Variants in SKAP2 observed in about 807,000 individuals in gnomAD.
The protein encoded by SKAP2 is src kinase associated phosphoprotein 2, also known as src kinase-associated phosphoprotein 2.
SKAP2 carries 28 observed loss-of-function variants against 54.9 expected under a neutral mutation model. The observed-to-expected ratio is 0.51, with a 90% CI of 0.38 to 0.70. SKAP2 has a LOEUF of 0.70. Ranked by LOEUF, SKAP2 falls within the 30% of genes least tolerant of loss-of-function variation. SKAP2 has a pLI of 0.00. For synonymous variants in SKAP2, 137 were observed against 134.3 expected (o/e 1.02, Z -0.14); for missense variants, 356 against 424.1 (o/e 0.84, Z 1.41).
intron 4 of SKAP2, among the ~76,000 whole-genome samples, chr7:26,817,546 T>G (rs1784294473): frequency 6.6e-6 from 1 of 152,166 alleles, no homozygotes; most frequent in Admixed American, 6.6e-5. Flanking sequence ...GAATTCCAGT[T>G]GATACAATTG....
intron 9 of SKAP2, among the ~76,000 whole-genome samples, chr7:26,695,067 C>T (rs1477227288): frequency 2.0e-5 from 3 of 151,874 alleles, no homozygotes; most frequent in Admixed American, 1.3e-4. Flanking sequence ...TCAAGGTATG[C>T]GATGTTCACA....
At chr7:26,804,638 C>A (rs1483991222) in intron 4 of SKAP2, among the ~76,000 whole-genome samples, 4 of 151,162 alleles carry the variant, frequency 2.6e-5, no homozygotes, top group African/African-American at 9.7e-5. Flanking sequence ...ACTCAGGAGG[C>A]TGAGGCAGGA....
intron 4 of SKAP2, among the ~76,000 whole-genome samples, chr7:26,750,923 C>T (rs1782666778): frequency 6.6e-6 from 1 of 152,052 alleles, no homozygotes; most frequent in South Asian, 2.1e-4. Flanking sequence ...CATTGATTTA[C>T]TTACTTTTGC....
intron 4 of SKAP2, among the ~76,000 whole-genome samples, chr7:26,813,322 T>A (rs1291035295): frequency 6.6e-6 from 1 of 152,102 alleles, no homozygotes. Flanking sequence ...CATATTGGGG[T>A]TTCCATACTG....
intron 4 of SKAP2, among the ~76,000 whole-genome samples, chr7:26,767,815 G>C (rs1783094848): frequency 6.6e-6 from 1 of 152,156 alleles, no homozygotes; most frequent in Admixed American, 6.5e-5. Flanking sequence ...CTTGCACTGT[G>C]GTCTGAGTGA....
intron 4 of SKAP2, among the ~76,000 whole-genome samples, chr7:26,792,140 A>G (rs1176689898): frequency 6.6e-6 from 1 of 152,220 alleles, no homozygotes; most frequent in East Asian, 1.9e-4. Flanking sequence ...TGGAAAAGGC[A>G]AAACTACAGG....
chr7:26,857,328 AAAAAAAAC>A, intron 1 of SKAP2: 1 of 266,394 alleles, frequency 3.8e-6, no homozygotes, highest in Non-Finnish European at 5.8e-6. Context: ...AAAAAAAAAA[AAAAAAAAC>A]TTTAAACTGG....
chr7:26,785,831 C>T (rs1783532170), intron 4 of SKAP2, among the ~76,000 whole-genome samples: 1 of 152,168 alleles, frequency 6.6e-6, no homozygotes, highest in Non-Finnish European at 1.5e-5. Context: ...TCCATAGTTA[C>T]CCCCATGCCT....
chr7:26,707,133 G>A (rs1355275908), intron 9 of SKAP2, among the ~76,000 whole-genome samples: 3 of 152,122 alleles, frequency 2.0e-5, no homozygotes, highest in South Asian at 2.1e-4. Context: ...GCCAAGGCAG[G>A]TGGATTGCTT....
rs546379804 is a variant in SKAP2 at position 26,831,906 on chromosome 7, A to G, written c.307+12124T>C. Among the ~76,000 whole-genome samples, 10 of 152,024 alleles carry G rather than the reference A, an allele frequency of 6.6e-5. No individual in the cohort carries two copies. In the South Asian group the frequency reaches 1.2e-3, roughly 19 times the overall value. ...GTCAATCCTCATCTCCCATTCTCCA[A>G]CCTTTCTCAGTCATGTTAGTCTTTC... On this transcript the variant is annotated intron_variant, in intron 4 of 12. Coordinates refer to ENST00000345317, the MANE Select transcript of SKAP2 (RefSeq NM_003930.5).
chr7:26,772,866 G>A (rs28403911), intron 4 of SKAP2, among the ~76,000 whole-genome samples: 63,250 of 151,962 alleles, frequency 0.42, 13,548 homozygotes, highest in Middle Eastern at 0.49. Flanking sequence ...CATAGAATCT[G>A]GAATATTTAA....
Position 26,844,130 on chromosome 7 carries a change from T to C in SKAP2, c.207A>G (p.Ala69=). Residue 69 remains alanine (A), a synonymous_variant, in exon 4 of 13, where the codon GCA becomes GCG. Coordinates refer to ENST00000345317, the MANE Select transcript of SKAP2 (RefSeq NM_003930.5). ...YLQEFQDKGD[A]EDGEEYDDPF... ...GGTCATCATATTCTTCCCCATCTTC[T>C]GCATCACCTGTTAAAAAAAAAAAAA... 2 of 1,588,242 alleles carry C rather than the reference T, an allele frequency of 1.3e-6. No individual in the cohort carries two copies. The highest frequency in any genetic ancestry group is 1.7e-6 in the Non-Finnish European group (2 of 1,162,046).
chr7:26,697,094 G>C (rs1786910537), intron 9 of SKAP2, among the ~76,000 whole-genome samples: 1 of 152,150 alleles, frequency 6.6e-6, no homozygotes, highest in Non-Finnish European at 1.5e-5. Context: ...ACCTTAGATA[G>C]AATCTTGTTC....
intron 9 of SKAP2, among the ~76,000 whole-genome samples, chr7:26,703,869 A>T (rs772002718): frequency 5.9e-5 from 9 of 152,194 alleles, no homozygotes; most frequent in Non-Finnish European, 1.0e-4. Context: ...ACACAGCTAT[A>T]ATAATAATTA....
At chr7:26,702,028 A>G (rs11980186) in intron 9 of SKAP2, among the ~76,000 whole-genome samples, 2,212 of 152,240 alleles carry the variant, frequency 0.015, 42 homozygotes, top group African/African-American at 0.048. Flanking sequence ...TTCTAAGATG[A>G]TATCTGCTTT....
At chr7:26,680,342 G>A (rs1786464974) in intron 11 of SKAP2, among the ~76,000 whole-genome samples, 1 of 152,018 alleles carries the variant, frequency 6.6e-6, no homozygotes. Context: ...CAAAAACATG[G>A]TTCTAGGAAA....
chr7:26,806,499 T>C (rs1584400972), intron 4 of SKAP2, among the ~76,000 whole-genome samples: 1 of 152,320 alleles, frequency 6.6e-6, no homozygotes, highest in East Asian at 1.9e-4. Flanking sequence ...CCCTTGAGCC[T>C]GGGAATTTGA....
Position 26,844,156 on chromosome 7 carries a change from ATC to A in SKAP2, c.200-21_200-20del. On this transcript the variant is annotated intron_variant, in intron 3 of 12. Transcript: ENST00000345317. ...GCATCACCTGTTAAAAAAAAAAAAA[ATC>A]AGAGAACTGCCTTTTATACTTTAGC... is the stretch of plus-strand genomic sequence containing the variant. The A allele has an allele frequency of 2.1e-5, 29 of 1,379,264 alleles. No individual in the cohort carries two copies. Among genetic ancestry groups the A allele is most frequent in the Non-Finnish European group, 2.8e-5 (27 of 972,280 alleles). The allele number at this position is 1,379,264 out of a possible 1,614,324, so 85.4% of individuals were successfully genotyped here. A position where few individuals can be genotyped will look rare whatever the true frequency, so the allele number is the denominator to read the frequency against.
chr7:26,661,244 T>C, the SKAP2 span, among the ~76,000 whole-genome samples: 2 of 152,154 alleles, frequency 1.3e-5, no homozygotes, highest in South Asian at 2.1e-4. Context: ...TCTAGCCCCA[T>C]ATTTTCACAA....
Sources: gnomAD v4.1 joint callset for allele counts (sites outside exome capture counted in the v4.1 genomes callset) on GRCh38, gnomAD v4.1.1 for gene constraint, MANE v1.5 for transcripts, NCBI Gene and HGNC (gene_info 2026-07-23, HGNC 2026-07-21) for gene names.